Variants in SYNE3 observed in about 807,000 individuals in gnomAD.
SYNE3 encodes nesprin-3.
SYNE3 carries 100 observed loss-of-function variants against 111.2 expected under a neutral mutation model. The observed-to-expected ratio is 0.90, with a 90% CI of 0.77 to 1.06. The LOEUF (loss-of-function observed/expected upper bound fraction) is 1.06. Among genes scored for constraint, SYNE3 ranks in the 50% least tolerant of loss-of-function variants. The probability of loss-of-function intolerance (pLI) is 0.00; values close to 1 mark genes in which losing one functional copy is unlikely to be tolerated. For missense variants in SYNE3, 1,160 were observed against 1,240.3 expected (o/e 0.94, Z 0.97); for synonymous variants, 547 against 533.9 (o/e 1.02, Z -0.34).
chr14:95,446,387 C>T (rs957912690), intron 8 of SYNE3, among the ~76,000 whole-genome samples: 6 of 130,910 alleles, frequency 4.6e-5, no homozygotes, highest in Non-Finnish European at 8.2e-5. Context: ...TCTCCATGGC[C>T]TCTGCCCCGA....
At chr14:95,424,227 C>T (rs1024230074) in intron 17 of SYNE3, among the ~76,000 whole-genome samples, 1 of 151,924 alleles carries the variant, frequency 6.6e-6, no homozygotes, top group Non-Finnish European at 1.5e-5. Context: ...AGAGGAGATG[C>T]CAAGGAGAAA....
rs546214877 is a variant in SYNE3, at chr14:95,512,135, C to T, written c.-15+4461G>A. On this transcript the variant is annotated intron_variant, in intron 1 of 17. Transcript: ENST00000682763. The stretch of plus-strand genomic sequence containing the variant: ...ATTTGGGAAGACAGAGATCATGTCT[C>T]CTACATTAAAGATCGTGTCTCCTAC... Among the ~76,000 whole-genome samples, 4 of 152,222 alleles carry T rather than the reference C, an allele frequency of 2.6e-5. No individual in the cohort carries two copies. In the East Asian group the frequency reaches 7.7e-4, roughly 29 times the overall value.
chr14:95,512,329 T>TTA (rs985311980), intron 1 of SYNE3, among the ~76,000 whole-genome samples: 6 of 152,016 alleles, frequency 3.9e-5, no homozygotes, highest in African/African-American at 7.2e-5. Flanking sequence ...TTATGTAAGA[T>TTA]TATATATATA....
chr14:95,458,598 T>G (rs569618586), intron 4 of SYNE3, among the ~76,000 whole-genome samples: 114 of 152,262 alleles, frequency 7.5e-4, no homozygotes, highest in African/African-American at 2.6e-3. Flanking sequence ...CCATGCCCAC[T>G]GCCCCAGGCT....
intron 1 of SYNE3, among the ~76,000 whole-genome samples, chr14:95,489,601 T>C (rs1348277726): frequency 6.6e-6 from 1 of 152,216 alleles, no homozygotes; most frequent in Non-Finnish European, 1.5e-5. Flanking sequence ...GCTTAGTAGG[T>C]ACTCAGAAAG....
intron 8 of SYNE3, among the ~76,000 whole-genome samples, chr14:95,446,666 G>C (rs1487241945): frequency 1.3e-5 from 2 of 152,216 alleles, no homozygotes; most frequent in African/African-American, 4.8e-5. Context: ...CTTCCCAGAG[G>C]AGGTGATACT....
At chr14:95,490,819 C>T (rs1192368090) in intron 1 of SYNE3, among the ~76,000 whole-genome samples, 2 of 152,276 alleles carry the variant, frequency 1.3e-5, no homozygotes, top group Non-Finnish European at 2.9e-5. Flanking sequence ...CAAAGCCATG[C>T]ATTGCCATCC....
At chr14:95,491,965 T>C (rs1343755082) in intron 1 of SYNE3, among the ~76,000 whole-genome samples, 2 of 152,174 alleles carry the variant, frequency 1.3e-5, no homozygotes, top group East Asian at 3.8e-4. Flanking sequence ...TTTCTTTAAA[T>C]CATACCTACA....
chr14:95,457,333 A>C lies in SYNE3; in HGVS notation c.633T>G (p.Arg211=), dbSNP rs2024863. 863,190 of 1,613,212 alleles carry C rather than the reference A, an allele frequency of 0.54. 234,972 individuals carry two copies. Among genetic ancestry groups the C allele is most frequent in the African/African-American group, 0.75 (55,796 of 74,888 alleles). ...GGGCCACCTGCTCCAGCAGATCTACACGCTTCTGTGGGAGGAGGAGAATCA... is the reference window on the plus strand; with the variant it reads ...GGGCCACCTGCTCCAGCAGATCTACCCGCTTCTGTGGGAGGAGGAGAATCA... ...YDAVKAKAQK[R]VDLLEQVARE... The change falls in exon 5 of 18, where the codon CGT becomes CGG. Residue 211 remains arginine (R), a synonymous_variant. Transcript: ENST00000682763.
intron 15 of SYNE3, among the ~76,000 whole-genome samples, chr14:95,435,987 G>A (rs373665281): frequency 1.4e-4 from 21 of 152,286 alleles, no homozygotes; most frequent in East Asian, 3.9e-4. Flanking sequence ...ATGGTAGTGC[G>A]AGGGAAGAGA....
In SYNE3 at chr14:95,417,756, G is replaced by C. The variant is rs1471244945; in HGVS notation, c.*70C>G. On this transcript the variant is annotated 3_prime_UTR_variant, in exon 18 of 18. Transcript: ENST00000682763. Reference sequence around the variant, plus strand: ...TGCCCCTGTTTCCAGTTTCCCTGGCGAGCATCCTCAGGAGGGGCCCTGGGA... The same window carrying C: ...TGCCCCTGTTTCCAGTTTCCCTGGCCAGCATCCTCAGGAGGGGCCCTGGGA... The C allele has an allele frequency of 6.5e-7, 1 of 1,534,402 alleles. No homozygotes were observed. The highest frequency in any genetic ancestry group is 9.0e-7 in the Non-Finnish European group (1 of 1,107,966).
Position 95,485,843 on chromosome 14 carries a change from G to A in SYNE3, c.-14-10008C>T, listed in dbSNP as rs750966416. On this transcript the variant is annotated intron_variant, in intron 1 of 17. Coordinates refer to ENST00000682763, the MANE Select transcript of SYNE3 (RefSeq NM_152592.6). This position sits in a 1 kb window ranked among gnomAD's most constrained non-coding sequence, Gnocchi z 4.3. ...TCCTGCTCCTCACTTCACCTCCTTC[G>A]TGGAGCTCAGCACCTGCTCTGAGTC... Among the ~76,000 whole-genome samples, 1 of 152,088 alleles carries A rather than the reference G, an allele frequency of 6.6e-6. No individual in the cohort carries two copies. The highest frequency in any genetic ancestry group is 1.9e-4 in the East Asian group (1 of 5,186).
rs963894467 is a variant in SYNE3 at position 95,449,333 on chromosome 14, T to C, written c.1449+598A>G. 14 of 701,482 alleles carry C rather than the reference T, an allele frequency of 2.0e-5. No homozygotes were observed. The African/African-American group carries it at 2.7e-4, about 14-fold the overall frequency. The allele number at this position is 701,482 out of a possible 1,614,324, so 43.5% of individuals were successfully genotyped here. A position where few individuals can be genotyped will look rare whatever the true frequency, so the allele number is the denominator to read the frequency against. ...ATATGACCTTGACCAACCAATGAGA[T>C]GTGAGGGGAGTGTGCGGGTGTCAGG... On this transcript the variant is annotated intron_variant, in intron 8 of 17. Coordinates refer to ENST00000682763, the MANE Select transcript of SYNE3 (RefSeq NM_152592.6).
At chr14:95,480,495 G>A (rs1468409179) in intron 1 of SYNE3, among the ~76,000 whole-genome samples, 3 of 152,210 alleles carry the variant, frequency 2.0e-5, no homozygotes, top group Non-Finnish European at 4.4e-5. Flanking sequence ...AAAAGCTATG[G>A]GCCTGGAAGA....
rs372531003 is a variant in SYNE3 at position 95,455,476 on chromosome 14, C to G, written c.1038G>C (p.Glu346Asp). 6.2e-7 allele frequency: 1 copy of G among 1,613,374 alleles called. No homozygotes were observed. The highest frequency in any genetic ancestry group is 8.5e-7 in the Non-Finnish European group (1 of 1,179,966). ...CCAGCCTCTGCAGGACCATCCTGAA[C>G]TCACTGAGCTCAGCCTCCAGCTGCT... is the stretch of plus-strand genomic sequence containing the variant. ...QIKQLEAELS[E>D]FRMVLQRLAQ... The change falls in exon 6 of 18, where the codon GAG (glutamate) becomes GAC (aspartate). Residue 346 changes from glutamate to aspartate, a missense_variant. Physicochemically the swap from Glu to Asp is conservative, Grantham distance 45 (BLOSUM62 2). Coordinates refer to ENST00000682763, the MANE Select transcript of SYNE3 (RefSeq NM_152592.6).
intron 7 of SYNE3, chr14:95,452,019 G>T: frequency 2.4e-6 from 1 of 416,738 alleles, no homozygotes; most frequent in Non-Finnish European, 4.2e-6. Flanking sequence ...TGAGCCACTA[G>T]CCTGGATAAA....
rs760359905 is a variant in SYNE3 at position 95,455,408 on chromosome 14, T to G, written c.1106A>C (p.Asp369Ala). Residue 369 changes from aspartate (D) to alanine (A), a missense_variant, in exon 6 of 18, where the codon GAC becomes GCC. Physicochemically the swap from Asp to Ala is moderately radical, Grantham distance 126. Transcript: ENST00000682763. ...GCGTCTCCAGTGTGCCACCAGCTCGTCCTCGGTCCCCGCTTTCGCCGCAGG... is the reference window on the plus strand; with the variant it reads ...GCGTCTCCAGTGTGCCACCAGCTCGGCCTCGGTCCCCGCTTTCGCCGCAGG... The part of the protein sequence containing the change: ...LQPAAKAGTE[D>A]ELVAHWRRYS... The G allele has an allele frequency of 6.4e-7, 1 of 1,561,058 alleles. No homozygotes were observed. The highest frequency in any genetic ancestry group is 8.7e-7 in the Non-Finnish European group (1 of 1,154,668).
At chr14:95,491,056 C>T (rs1889825906) in intron 1 of SYNE3, among the ~76,000 whole-genome samples, 3 of 152,182 alleles carry the variant, frequency 2.0e-5, no homozygotes, top group Non-Finnish European at 4.4e-5. Flanking sequence ...CTTGGAAAGG[C>T]AGGACTGGCT....
chr14:95,448,258 G>T (rs1404040012), intron 8 of SYNE3, among the ~76,000 whole-genome samples: 4 of 151,712 alleles, frequency 2.6e-5, no homozygotes, highest in Non-Finnish European at 4.4e-5. Flanking sequence ...ATTGAGTTTT[G>T]TGACACATAT....
Sources: allele counts gnomAD v4.1 joint callset (sites outside exome capture counted in the v4.1 genomes callset), GRCh38; gene constraint gnomAD v4.1.1; non-coding constraint Gnocchi (gnomAD v3.1); transcripts MANE v1.5; gene names NCBI Gene and HGNC (gene_info 2026-07-23, HGNC 2026-07-21).